The following HMCN1 variants were observed in gnomAD, a reference collection of about 807,000 sequenced individuals.
HMCN1 encodes the protein hemicentin 1, also known as hemicentin-1.
A neutral mutation model predicts 625.9 loss-of-function variants in HMCN1; 321 were observed. The observed-to-expected ratio is 0.51, with a 90% CI of 0.47 to 0.56. HMCN1 has a LOEUF of 0.56. Ranked by LOEUF, HMCN1 falls within the 20% of genes least tolerant of loss-of-function variation. The probability of loss-of-function intolerance (pLI) is 0.00; values close to 1 mark genes in which losing one functional copy is unlikely to be tolerated. For missense variants in HMCN1, 6,588 were observed against 6,887.3 expected (o/e 0.96, Z 1.54); for synonymous variants, 2,425 against 2,417.6 (o/e 1.00, Z -0.09).
At chr1:186,099,954 G>A (rs866204521) in intron 68 of HMCN1, among the ~76,000 whole-genome samples, 31 of 152,088 alleles carry the variant, frequency 2.0e-4, no homozygotes, top group Middle Eastern at 3.4e-3. Flanking sequence ...GCCAGATTTC[G>A]TTTCCAAAAA....
intron 89 of HMCN1, among the ~76,000 whole-genome samples, chr1:186,143,509 C>T (rs572770965): frequency 6.5e-4 from 99 of 152,150 alleles, no homozygotes; most frequent in Non-Finnish European, 1.3e-3. Flanking sequence ...CAAAGGAAGG[C>T]CTTAATATCA....
At chr1:185,886,444 C>T (rs371002059) in intron 4 of HMCN1, among the ~76,000 whole-genome samples, 1 of 152,038 alleles carries the variant, frequency 6.6e-6, no homozygotes, top group Admixed American at 6.6e-5. Context: ...GAATGCATCT[C>T]CTTTGAAAAG....
In HMCN1 at chr1:185,982,290, A is replaced by T; in HGVS notation, c.2691A>T (p.Ser897=). The T allele has an allele frequency of 1.2e-6, 2 of 1,613,804 alleles. No homozygotes were observed. The highest frequency in any genetic ancestry group is 2.2e-5 in the East Asian group (1 of 44,872). Residue 897 remains serine, a synonymous_variant, in exon 18 of 107, where the codon TCA becomes TCT. Transcript: ENST00000271588. ...LVAPLIGISP[S]VANVIEGQQL... ...CTCCACTTATTGGAATCAGCCCTTC[A>T]GTGGCCAATGTTATTGAAGGACAGC...
At chr1:185,993,093 G>T in intron 22 of HMCN1, 89 bp from the exon 23 acceptor site, 4 of 1,280,654 alleles carry the variant, frequency 3.1e-6, no homozygotes, top group Non-Finnish European at 4.5e-6. Flanking sequence ...ACTACTTGCA[G>T]AGTAGTAATT....
In HMCN1 at chr1:186,053,844, T is replaced by C; in HGVS notation, c.6720T>C (p.Asp2240=). ...TTGTAGGCTCTCCAGTGCTGACTGA[T>C]TCCATGGGGCGAGTTAGAATTTTAT... ...WKKKGSPVLT[D]SMGRVRILSG... is the part of the protein sequence containing the mutation. Residue 2240 remains aspartate (D), a synonymous_variant, in exon 44 of 107, where the codon GAT becomes GAC. Transcript: ENST00000271588. 1.9e-6 allele frequency: 3 copies of C among 1,612,660 alleles called. No individual in the cohort carries two copies. The South Asian group carries it at 3.3e-5, about 18-fold the overall frequency.
chr1:185,917,377 T>G (rs1422368795), intron 6 of HMCN1, among the ~76,000 whole-genome samples: 2 of 152,182 alleles, frequency 1.3e-5, no homozygotes, highest in Non-Finnish European at 2.9e-5. Context: ...GAGAAAGGCG[T>G]TGAACTTGGA....
At chr1:186,095,128 A>T (rs1048670873) in intron 67 of HMCN1, 115 bp from the exon 68 acceptor site, 1 of 1,011,832 alleles carries the variant, frequency 9.9e-7, no homozygotes. Context: ...ACAATTTTAA[A>T]GTATATATTT....
intron 1 of HMCN1, among the ~76,000 whole-genome samples, chr1:185,839,738 A>G (rs1325474896): frequency 2.6e-5 from 4 of 152,208 alleles, no homozygotes; most frequent in African/African-American, 9.6e-5. Flanking sequence ...TGCTGAATTT[A>G]TGTCAACAAT....
intron 1 of HMCN1, among the ~76,000 whole-genome samples, chr1:185,799,121 A>T (rs1343930987): frequency 1.3e-5 from 2 of 152,126 alleles, no homozygotes; most frequent in Non-Finnish European, 2.9e-5. Context: ...TTGGTGGCAA[A>T]GTATCGTATA....
At chr1:185,979,057 G>A (rs1365754470) in intron 16 of HMCN1, among the ~76,000 whole-genome samples, 1 of 152,110 alleles carries the variant, frequency 6.6e-6, no homozygotes, top group African/African-American at 2.4e-5. Context: ...AATAACAAGT[G>A]CTTCAGTGTT....
intron 43 of HMCN1, 97 bp from the exon 44 acceptor site, chr1:186,053,728 A>T: frequency 8.1e-7 from 1 of 1,236,248 alleles, no homozygotes; most frequent in South Asian, 1.2e-5. Context: ...TTTGCCTTTT[A>T]TATACTTGAA....
intron 1 of HMCN1, among the ~76,000 whole-genome samples, chr1:185,741,201 C>T (rs977386927): frequency 6.6e-6 from 1 of 152,060 alleles, no homozygotes; most frequent in East Asian, 1.9e-4. Flanking sequence ...GAATCATACG[C>T]CCAATATGCC....
At position 186,078,213 on chromosome 1, in the gene HMCN1, T is replaced by C. The variant is rs748030259; in HGVS notation, c.8592T>C (p.Arg2864=). ...AGEDSLQYDV[R]VLVPPIIKGA... ...AAGATTCCCTTCAATATGATGTCCG[T>C]GTACTCGGTGAGTTTTTCTTTTGTT... The change falls in exon 55 of 107, where the codon CGT becomes CGC. Residue 2864 remains arginine, a synonymous_variant. Transcript: ENST00000271588. The C allele has an allele frequency of 1.3e-5, 21 of 1,603,232 alleles. No individual in the cohort carries two copies. Among genetic ancestry groups the C allele is most frequent in the Non-Finnish European group, 1.8e-5 (21 of 1,170,638 alleles).
intron 30 of HMCN1, among the ~76,000 whole-genome samples, chr1:186,012,834 ATTG>A (rs1032742732): frequency 9.2e-5 from 14 of 152,176 alleles, no homozygotes; most frequent in Admixed American, 8.5e-4. Flanking sequence ...AATCGGGAAT[ATTG>A]TGGTGGCTGC....
chr1:186,112,820 T>G lies in HMCN1; in HGVS notation c.10998T>G (p.Pro3666=), dbSNP rs1308754179. Residue 3666 remains proline (P), a synonymous_variant, in exon 72 of 107, where the codon CCT becomes CCG. Coordinates refer to ENST00000271588, the MANE Select transcript of HMCN1 (RefSeq NM_031935.3). The part of the protein sequence containing the change: ...LRNGERLQAT[P]RVRILSGGRY... ...TTACTTGCTGAATCCAGGCAACACC[T>G]CGAGTGCGAATCCTATCTGGAGGGA... The G allele has an allele frequency of 1.2e-5, 20 of 1,614,042 alleles. No individual in the cohort carries two copies. Among genetic ancestry groups the G allele is most frequent in the Non-Finnish European group, 1.7e-5 (20 of 1,180,008 alleles).
chr1:186,114,158 A>G (rs757583591), intron 73 of HMCN1, 35 bp downstream of exon 73: 1 of 1,611,658 alleles, frequency 6.2e-7, no homozygotes, highest in Non-Finnish European at 8.5e-7. Context: ...ATGCTATAAG[A>G]CCTGAAATAC....
chr1:185,801,594 A>T (rs192366091), intron 1 of HMCN1, among the ~76,000 whole-genome samples: 1 of 152,332 alleles, frequency 6.6e-6, no homozygotes, highest in East Asian at 1.9e-4. Flanking sequence ...TGTAAATGCG[A>T]CTTAGAGAGT....
chr1:186,007,228 A>G lies in HMCN1; in HGVS notation c.4576A>G (p.Thr1526Ala), dbSNP rs772513183. Residue 1526 changes from threonine (T) to alanine (A), a missense_variant, in exon 30 of 107, where the codon ACT (threonine) becomes GCT (alanine). Transcript: ENST00000271588. ...AAATGACAAGGGGCGCTACCAATGTACTGTGTCTAATGCAGCTGGCAAACA... is the reference window on the plus strand; with the variant it reads ...AAATGACAAGGGGCGCTACCAATGTGCTGTGTCTAATGCAGCTGGCAAACA... ...RRNDKGRYQC[T>A]VSNAAGKQAK... The G allele has an allele frequency of 6.2e-7, 1 of 1,613,708 alleles. No homozygotes were observed. Among genetic ancestry groups the G allele is most frequent in the Non-Finnish European group, 8.5e-7 (1 of 1,179,704 alleles).
At chr1:185,913,288 A>G (rs1017516140) in intron 6 of HMCN1, among the ~76,000 whole-genome samples, 1 of 152,196 alleles carries the variant, frequency 6.6e-6, no homozygotes, top group Non-Finnish European at 1.5e-5. Context: ...TTCCTTGCAC[A>G]TAATGCCTGG....
Sources: gnomAD v4.1 joint callset for allele counts (sites outside exome capture counted in the v4.1 genomes callset) on GRCh38, gnomAD v4.1.1 for gene constraint, MANE v1.5 for transcripts, NCBI Gene and HGNC (gene_info 2026-07-23, HGNC 2026-07-21) for gene names.